Variants in TNR observed in about 807,000 individuals in gnomAD.
TNR encodes tenascin R.
A neutral mutation model predicts 150.4 loss-of-function variants in TNR; 45 were observed. The observed-to-expected ratio is 0.30, with a 90% CI of 0.24 to 0.38. The LOEUF (loss-of-function observed/expected upper bound fraction) is 0.38. Ranked by LOEUF, TNR falls within the 10% of genes least tolerant of loss-of-function variation. The pLI, the probability that TNR is intolerant of heterozygous loss-of-function variation, is 1.00. For synonymous variants in TNR, 687 were observed against 678.4 expected (o/e 1.01, Z -0.20); for missense variants, 1,544 against 1,759.1 (o/e 0.88, Z 2.19).
chr1:175,478,291 C>T (rs187150347), intron 2 of TNR, among the ~76,000 whole-genome samples: 2 of 152,220 alleles, frequency 1.3e-5, no homozygotes, highest in Admixed American at 1.3e-4. Flanking sequence ...CATGGAGCAA[C>T]ATTAGTATGG....
intron 1 of TNR, among the ~76,000 whole-genome samples, chr1:175,622,932 G>A (rs914554750): frequency 2.6e-5 from 4 of 152,108 alleles, no homozygotes; most frequent in Non-Finnish European, 5.9e-5. Context: ...CCCCATGTCT[G>A]TTTTATAAGG....
chr1:175,459,769 A>G (rs1168621080), intron 2 of TNR, among the ~76,000 whole-genome samples: 1 of 152,144 alleles, frequency 6.6e-6, no homozygotes, highest in South Asian at 2.1e-4. Context: ...CAGGCAATAG[A>G]CAGCTCTGAC....
At chr1:175,445,039 G>C (rs1333309965) in intron 2 of TNR, among the ~76,000 whole-genome samples, 1 of 152,186 alleles carries the variant, frequency 6.6e-6, no homozygotes, top group Non-Finnish European at 1.5e-5. Flanking sequence ...GGGAGGCCAA[G>C]GTGGGCGGAT....
chr1:175,532,238 G>T (rs535229013), intron 1 of TNR, among the ~76,000 whole-genome samples: 7 of 152,334 alleles, frequency 4.6e-5, no homozygotes, highest in African/African-American at 1.4e-4. Flanking sequence ...ATACCCCAAA[G>T]TATGGTCAAT....
rs555130537 is a variant in TNR, at chr1:175,520,674, TTCTC to T, written c.-64+7591_-64+7594del. On this transcript the variant is annotated intron_variant, in intron 2 of 22. Coordinates refer to ENST00000367674, the MANE Select transcript of TNR (RefSeq NM_003285.3). ...TTGTTGCATTGTGATTTTCCTGCTC[TTCTC>T]TCTCTCTCTCTCTTTCTCTCTCTCC... Among the ~76,000 whole-genome samples, 367 of 150,928 alleles carry T rather than the reference TTCTC, an allele frequency of 2.4e-3. 2 individuals are homozygous for T. Among genetic ancestry groups the T allele is most frequent in the African/African-American group, 8.6e-3 (355 of 41,248 alleles).
Position 175,599,365 on chromosome 1 carries a change from C to G in TNR, c.-164-70996G>C, listed in dbSNP as rs919387681. Among the ~76,000 whole-genome samples the G allele has an allele frequency of 6.6e-6, 1 of 152,256 alleles. No homozygotes were observed. The highest frequency in any genetic ancestry group is 6.5e-5 in the Admixed American group (1 of 15,290). Reference sequence around the variant, plus strand: ...GCCCTGAGAGGCACACACGCGCCTTCTGCTCACACCTCAGGCAGTCGGAGG... The same window carrying G: ...GCCCTGAGAGGCACACACGCGCCTTGTGCTCACACCTCAGGCAGTCGGAGG... On this transcript the variant is annotated intron_variant, in intron 1 of 22. Transcript: ENST00000367674. The surrounding 1 kb of genome is among the most constrained non-coding windows in gnomAD (Gnocchi z 4.7).
chr1:175,494,351 T>A (rs1399771824), intron 2 of TNR, among the ~76,000 whole-genome samples: 1 of 152,146 alleles, frequency 6.6e-6, no homozygotes, highest in South Asian at 2.1e-4. Context: ...TGATTCATAG[T>A]CCCCGGCACC....
intron 1 of TNR, among the ~76,000 whole-genome samples, chr1:175,724,446 T>C (rs1667423497): frequency 1.3e-5 from 2 of 152,216 alleles, no homozygotes; most frequent in Middle Eastern, 3.4e-3. Context: ...TGCTAAAACA[T>C]TCATGATAAA....
intron 9 of TNR, among the ~76,000 whole-genome samples, chr1:175,377,131 C>T (rs1652427763): frequency 6.6e-6 from 1 of 152,090 alleles, no homozygotes; most frequent in African/African-American, 2.4e-5. Context: ...TTTCAAACTC[C>T]ACAAGCCTCA....
chr1:175,488,311 C>T (rs1658100848), intron 2 of TNR, among the ~76,000 whole-genome samples: 1 of 152,094 alleles, frequency 6.6e-6, no homozygotes, highest in South Asian at 2.1e-4. Context: ...TTTAGAAATT[C>T]CCAAGATTGT....
At chr1:175,406,854 G>T in intron 2 of TNR, 77 bp from the exon 3 acceptor site, 1 of 1,138,224 alleles carries the variant, frequency 8.8e-7, no homozygotes, top group Non-Finnish European at 1.2e-6. Flanking sequence ...AGCCTACAAA[G>T]CTCAGGAGTA....
At chr1:175,723,136 GGATA>G (rs71768785) in intron 1 of TNR, among the ~76,000 whole-genome samples, 8,058 of 152,140 alleles carry the variant, frequency 0.053, 303 homozygotes, top group East Asian at 0.22. Context: ...TTACATGATT[GGATA>G]GATAAACAAA....
rs1651808144 is a variant in TNR at position 175,365,724 on chromosome 1, G to A, written c.2317+151C>T. Reference sequence around the variant, plus strand: ...TTACTTCCAACCCTTCCCTCTTGATGCACTTATTAGTTTTTACTCTATCCT... The same window carrying A: ...TTACTTCCAACCCTTCCCTCTTGATACACTTATTAGTTTTTACTCTATCCT... On this transcript the variant is annotated intron_variant, in intron 11 of 22. Coordinates refer to ENST00000367674, the MANE Select transcript of TNR (RefSeq NM_003285.3). 3.5e-6 allele frequency: 4 copies of A among 1,147,372 alleles called. 1 individual carries two copies. The highest frequency in any genetic ancestry group is 4.9e-6 in the Non-Finnish European group (4 of 823,476). The allele number at this position is 1,147,372 out of a possible 1,614,324, so 71.1% of individuals were successfully genotyped here.
At chr1:175,417,464 T>C (rs564231762) in intron 2 of TNR, among the ~76,000 whole-genome samples, 15 of 152,200 alleles carry the variant, frequency 9.9e-5, no homozygotes, top group African/African-American at 3.6e-4. Context: ...TGATTAACAG[T>C]GAAAATAATA....
At chr1:175,738,495 T>A (rs998604386) in intron 1 of TNR, among the ~76,000 whole-genome samples, 1 of 152,202 alleles carries the variant, frequency 6.6e-6, no homozygotes, top group Non-Finnish European at 1.5e-5. Flanking sequence ...AGGAAGAAGT[T>A]GCCAAGGGCT....
At chr1:175,677,249 A>G (rs1665891632) in intron 1 of TNR, among the ~76,000 whole-genome samples, 2 of 152,210 alleles carry the variant, frequency 1.3e-5, no homozygotes, top group South Asian at 4.1e-4. Context: ...TTGTAACCAG[A>G]GTGCATTCAG....
In TNR at chr1:175,393,775, G is replaced by A. The variant is rs780164612; in HGVS notation, c.1356+5C>T. 7.5e-6 allele frequency: 12 copies of A among 1,607,828 alleles called. No homozygotes were observed. The highest frequency in any genetic ancestry group is 1.7e-4 in the Middle Eastern group (1 of 6,052). On this transcript the variant is annotated splice_donor_5th_base_variant and intron_variant, in intron 6 of 22. Transcript: ENST00000367674. ...CTGTTTGGCAGTGTAACAGGTGAGTGTTACCTTTGGAATGAAGCTGATTTC... is the reference window on the plus strand; with the variant it reads ...CTGTTTGGCAGTGTAACAGGTGAGTATTACCTTTGGAATGAAGCTGATTTC...
chr1:175,424,705 G>C (rs908035447), intron 2 of TNR, among the ~76,000 whole-genome samples: 10 of 152,100 alleles, frequency 6.6e-5, no homozygotes, highest in Non-Finnish European at 1.5e-4. Flanking sequence ...TGGAGGCCCA[G>C]CAGACAGGCT....
At chr1:175,487,629 C>A (rs1028897671) in intron 2 of TNR, among the ~76,000 whole-genome samples, 2 of 152,108 alleles carry the variant, frequency 1.3e-5, no homozygotes, top group Middle Eastern at 3.2e-3. Flanking sequence ...TCCATTAATC[C>A]CTGCTTCTGT....
Sources: allele counts gnomAD v4.1 joint callset (sites outside exome capture counted in the v4.1 genomes callset), GRCh38; gene constraint gnomAD v4.1.1; non-coding constraint Gnocchi (gnomAD v3.1); transcripts MANE v1.5; gene names NCBI Gene and HGNC (gene_info 2026-07-23, HGNC 2026-07-21).